Variants in LGALS8 observed in about 807,000 individuals in gnomAD.
LGALS8 encodes galectin-8.
In LGALS8, 30 loss-of-function variants were observed where a neutral mutation model predicts 35.9. The ratio of observed to expected loss-of-function variants is 0.83; its 90% confidence interval spans 0.62 to 1.13. The LOEUF is 1.13. Ranked by LOEUF, LGALS8 falls within the 50% of genes most tolerant of loss-of-function variation. The probability of loss-of-function intolerance (pLI) is 0.00; values close to 1 mark genes in which losing one functional copy is unlikely to be tolerated. For missense variants in LGALS8, 366 were observed against 388.7 expected (o/e 0.94, Z 0.49); for synonymous variants, 138 against 136.1 (o/e 1.01, Z -0.10).
chr1:236,540,108 T>C (rs1438983798), intron 4 of LGALS8: 1 of 155,044 alleles, frequency 6.4e-6, no homozygotes, highest in Non-Finnish European at 1.4e-5. Context: ...GGGTAACTTG[T>C]CCATATTAAT....
Position 236,548,210 on chromosome 1 carries a change from G to C in LGALS8, c.*49G>C, listed in dbSNP as rs768292265. The C allele has an allele frequency of 1.3e-6, 2 of 1,528,714 alleles. No individual in the cohort carries two copies. Among genetic ancestry groups the C allele is most frequent in the Non-Finnish European group, 1.8e-6 (2 of 1,117,592 alleles). The allele number at this position is 1,528,714 out of a possible 1,614,324, so 94.7% of individuals were successfully genotyped here. A position where few individuals can be genotyped will look rare whatever the true frequency, so the allele number is the denominator to read the frequency against. On this transcript the variant is annotated 3_prime_UTR_variant, in exon 10 of 10. Transcript: ENST00000366584. ...AACCAAAATACAGAATGGCTTCTGT[G>C]ATACTGGCCTTGCTGAAACGCATCT... is the stretch of plus-strand genomic sequence containing the variant.
chr1:236,539,711 C>T (rs61831364), intron 4 of LGALS8, among the ~76,000 whole-genome samples: 3,008 of 152,342 alleles, frequency 0.02, 42 homozygotes, highest in Non-Finnish European at 0.034. Flanking sequence ...GCCTCTGGCG[C>T]AGATCCTTTC....
chr1:236,524,288 A>G (rs761577789), intron 1 of LGALS8: 1 of 456,504 alleles, frequency 2.2e-6, no homozygotes, highest in Admixed American at 2.3e-5. Context: ...TCCGGGGCAT[A>G]AGGGATTATC....
At chr1:236,529,014 G>A (rs1284603654) in intron 2 of LGALS8, among the ~76,000 whole-genome samples, 3 of 152,212 alleles carry the variant, frequency 2.0e-5, no homozygotes, top group East Asian at 3.8e-4. Flanking sequence ...AGAGGCTCAT[G>A]CCTGTAATTC....
chr1:236,543,694 T>A, intron 8 of LGALS8, 46 bp downstream of exon 8: 1 of 1,377,572 alleles, frequency 7.3e-7, no homozygotes. Context: ...CTTCCGTGCC[T>A]GTTACCGCCT....
rs61261486 is a variant in LGALS8 at position 236,528,546 on chromosome 1, A to ATTTTTTTTTTTT, written c.45+2443_45+2454dup. ...AATTTTTATTTCATTAATGTTTCCA[A>ATTTTTTTTTTTT]TTTTTTTTTTTTTTTTTTTTTTTAA... On this transcript the variant is annotated intron_variant, in intron 2 of 9. Coordinates refer to ENST00000366584, the MANE Select transcript of LGALS8 (RefSeq NM_201544.4). Among the ~76,000 whole-genome samples, 197 of 104,216 alleles carry ATTTTTTTTTTTT rather than the reference A, an allele frequency of 1.9e-3. 4 individuals carry two copies. Among genetic ancestry groups the ATTTTTTTTTTTT allele is most frequent in the Admixed American group, 7.3e-3 (56 of 7,704 alleles). 68.4% of individuals were successfully genotyped at this position (104,216 alleles called of 152,430 possible).
intron 5 of LGALS8, 21 bp from the exon 6 acceptor site, chr1:236,541,633 A>C (rs1003149030): frequency 2.9e-5 from 39 of 1,324,854 alleles, no homozygotes; most frequent in Non-Finnish European, 4.0e-5. Context: ...TTACAAATTA[A>C]TCTTTATTAT....
At chr1:236,532,146 A>G (rs1294986796) in intron 2 of LGALS8, among the ~76,000 whole-genome samples, 1 of 152,180 alleles carries the variant, frequency 6.6e-6, no homozygotes, top group South Asian at 2.1e-4. Context: ...GCATAACCAT[A>G]TTATTTGCAT....
At chr1:236,540,169 C>T (rs1399387772) in intron 4 of LGALS8, 3 of 179,338 alleles carry the variant, frequency 1.7e-5, no homozygotes, top group African/African-American at 7.0e-5. Flanking sequence ...GGGTGGTCTC[C>T]AGGGACAGTG....
In LGALS8 at chr1:236,552,917, C is replaced by G. The variant is rs1353400133; in HGVS notation, c.*4756C>G. ...TATGGTTTAAAATGTGGGGGTTCAT[C>G]ATAATAGTCTCATTGTTAGCATATC... On this transcript the variant is annotated 3_prime_UTR_variant, in exon 10 of 10. Transcript: ENST00000366584. 1 of 152,180 alleles carries G rather than the reference C, an allele frequency of 6.6e-6. No individual in the cohort carries two copies. The highest frequency in any genetic ancestry group is 1.5e-5 in the Non-Finnish European group (1 of 68,020). The allele number at this position is 152,180 out of a possible 1,614,324, so 9.4% of individuals were successfully genotyped here.
chr1:236,551,162 G>A lies in LGALS8; in HGVS notation c.*3001G>A, dbSNP rs376570931. ...GCCACGGACCGCCTCCCTCCACACC[G>A]CTCCTTCCGCCTTCATTCCTTGCCC... On this transcript the variant is annotated 3_prime_UTR_variant, in exon 10 of 10. Coordinates refer to ENST00000366584, the MANE Select transcript of LGALS8 (RefSeq NM_201544.4). 4.9e-5 allele frequency: 28 copies of A among 567,148 alleles called. No homozygotes were observed. The South Asian group carries it at 5.9e-4, about 12-fold the overall frequency. The allele number at this position is 567,148 out of a possible 1,614,324, so 35.1% of individuals were successfully genotyped here.
rs145435931 is a variant in LGALS8 at position 236,537,387 on chromosome 1, G to A, written c.46-110G>A. On this transcript the variant is annotated intron_variant, in intron 2 of 9. Transcript: ENST00000366584. ...TGCTGGATTCTGAGCAGATTTATGT[G>A]CAGCCTTAAAAAGTGTAGTTTTTCT... The A allele has an allele frequency of 1.0e-3, 730 of 711,502 alleles. 6 individuals carry two copies. The African/African-American group carries it at 0.012, about 11-fold the overall frequency. The allele number at this position is 711,502 out of a possible 1,614,324, so 44.1% of individuals were successfully genotyped here.
intron 7 of LGALS8, 104 bp from the exon 8 acceptor site, chr1:236,543,456 C>A: frequency 1.1e-6 from 1 of 882,168 alleles, no homozygotes; most frequent in Non-Finnish European, 1.9e-6. Context: ...CTGGGATTTA[C>A]AGGGTCATGG....
At chr1:236,543,397 G>A (rs1193314919) in intron 7 of LGALS8, 163 bp from the exon 8 acceptor site, 7 of 712,544 alleles carry the variant, frequency 9.8e-6, no homozygotes, top group Non-Finnish European at 1.8e-5. Flanking sequence ...CAGGGACAGT[G>A]CTGCTGCAGG....
intron 2 of LGALS8, among the ~76,000 whole-genome samples, chr1:236,533,436 G>A (rs1048502587): frequency 1.3e-5 from 2 of 151,712 alleles, no homozygotes; most frequent in Admixed American, 6.6e-5. Flanking sequence ...CTGGGTTCAA[G>A]TGATTCTCCT....
At chr1:236,544,297 T>A (rs1279179605) in intron 8 of LGALS8, among the ~76,000 whole-genome samples, 1 of 152,136 alleles carries the variant, frequency 6.6e-6, no homozygotes, top group Non-Finnish European at 1.5e-5. Flanking sequence ...TTTAGAAAAT[T>A]TCTGCTTTAA....
At chr1:236,534,879 G>C (rs1661371415) in intron 2 of LGALS8, among the ~76,000 whole-genome samples, 1 of 151,884 alleles carries the variant, frequency 6.6e-6, no homozygotes, top group Non-Finnish European at 1.5e-5. Context: ...CGGCCAACAT[G>C]GCAAAACCCC....
At chr1:236,520,252 T>C (rs1359006091), upstream of LGALS8, among the ~76,000 whole-genome samples, 8 of 151,970 alleles carry the variant, frequency 5.3e-5, no homozygotes, top group African/African-American at 1.9e-4. Context: ...CCAACGTGCC[T>C]GGTCAAAATT....
intron 7 of LGALS8, 43 bp from the exon 8 acceptor site, chr1:236,543,517 G>A (rs758541259): frequency 7.9e-6 from 11 of 1,398,754 alleles, no homozygotes; most frequent in South Asian, 1.1e-5. Flanking sequence ...CCTGGAGATC[G>A]CTTTCTGCAG....
Sources: allele counts gnomAD v4.1 joint callset (sites outside exome capture counted in the v4.1 genomes callset), GRCh38; gene constraint gnomAD v4.1.1; transcripts MANE v1.5; gene names NCBI Gene and HGNC (gene_info 2026-07-23, HGNC 2026-07-21).